Variants in SUSD2 observed in about 807,000 individuals in gnomAD.
SUSD2 encodes sushi domain containing 2.
SUSD2 carries 86 observed loss-of-function variants against 93.8 expected under a neutral mutation model. The ratio of observed to expected loss-of-function variants is 0.92; its 90% CI spans 0.77 to 1.10. The LOEUF (loss-of-function observed/expected upper bound fraction) is 1.10, where lower values mean the gene tolerates loss of function less well. Ranked by LOEUF, SUSD2 falls within the 50% of genes least tolerant of loss-of-function variation. SUSD2 has a pLI of 0.00. For missense variants in SUSD2, 1,060 were observed against 1,137.0 expected (o/e 0.93, Z 0.97); for synonymous variants, 483 against 485.0 (o/e 1.00, Z 0.05).
chr22:24,186,989 GGCT>G, intron 10 of SUSD2: 1 of 617,782 alleles, frequency 1.6e-6, no homozygotes, highest in Non-Finnish European at 2.8e-6. Flanking sequence ...TCACTGCAGG[GGCT>G]GCACCTCAGG....
In SUSD2 at chr22:24,187,777, A is replaced by T. The variant is rs1308948662; in HGVS notation, c.2098A>T (p.Ser700Cys). ...NFDVAATGSLSTGTATRVAHQ... is the reference protein window; with the variant it reads ...NFDVAATGSLCTGTATRVAHQ... ...TGATGTGGCAGCCACTGGGAGCCTG[A>T]GCACGGGCACTGCCACTCGGGTGGC... The change falls in exon 12 of 15, where the codon AGC (serine) becomes TGC (cysteine). Residue 700 changes from serine (S) to cysteine (C), a missense_variant. Ser to Cys is a moderately radical substitution (Grantham distance 112, BLOSUM62 -1). Transcript: ENST00000358321. 6.2e-7 allele frequency: 1 copy of T among 1,613,548 alleles called. No homozygotes were observed. The highest frequency in any genetic ancestry group is 8.5e-7 in the Non-Finnish European group (1 of 1,179,958).
At chr22:24,183,382 G>A (rs1433273943) in intron 2 of SUSD2, 113 bp from the exon 3 acceptor site, 14 of 1,529,050 alleles carry the variant, frequency 9.2e-6, no homozygotes, top group Non-Finnish European at 2.7e-6. Context: ...GGACAGGCAG[G>A]AGGGCACAGG....
chr22:24,186,113 C>T lies in SUSD2; in HGVS notation c.1437C>T (p.Thr479=), dbSNP rs199624465. The T allele has an allele frequency of 9.3e-6, 15 of 1,612,258 alleles. No homozygotes were observed. Among genetic ancestry groups the T allele is most frequent in the East Asian group, 8.9e-5 (4 of 44,860 alleles). Residue 479 remains threonine (T), a synonymous_variant, in exon 9 of 15, where the codon ACC becomes ACT. Coordinates refer to ENST00000358321, the MANE Select transcript of SUSD2 (RefSeq NM_019601.4). ...ACGTGCTGCTGGAGGCAGCGCTGAC[C>T]GACCTGAGGGTGCAGGCGCGGGCCC... is the stretch of plus-strand genomic sequence containing the variant. ...GEYVLLEAAL[T]DLRVQARAQP... is the part of the protein sequence containing the mutation.
At position 24,184,816 on chromosome 22, in the gene SUSD2, CT is replaced by C. The variant is rs749344270; in HGVS notation, c.659del (p.Leu220ArgfsTer58). ...WTAKWSYLYP[L>X]ATHIPNSGSF... ...TGCAAAGTGGTCGTACCTGTACCCC[CT>C]GGCCACACACATCCCCAACTCCGGC... On this transcript the variant is annotated frameshift_variant, in exon 5 of 15. Coordinates refer to ENST00000358321, the MANE Select transcript of SUSD2 (RefSeq NM_019601.4). LOFTEE classifies it high-confidence loss of function. 114 of 1,613,346 alleles carry C rather than the reference CT, an allele frequency of 7.1e-5. 1 individual carries two copies. In the Admixed American group the frequency reaches 1.7e-3, roughly 24 times the overall value.
At position 24,187,652 on chromosome 22, in the gene SUSD2, AC is replaced by A; in HGVS notation, c.1977del (p.Thr660ProfsTer40). The A allele has an allele frequency of 1.2e-6, 2 of 1,613,744 alleles. No individual in the cohort carries two copies. The highest frequency in any genetic ancestry group is 8.5e-7 in the Non-Finnish European group (1 of 1,179,940). The stretch of plus-strand genomic sequence containing the variant: ...AACTTCCTGTACCAACCCAAGCACG[AC>A]CCCACCTTCGAGCCCCTCTTCCCCA... ...VHNFLYQPKH[D>X]PTFEPLFPSE... On this transcript the variant is annotated frameshift_variant, in exon 12 of 15. Transcript: ENST00000358321. LOFTEE classifies it high-confidence loss of function.
In SUSD2 at chr22:24,188,086, C is replaced by T; in HGVS notation, c.2292C>T (p.Thr764=). ...GCCTGGCCGGGGCAGAGACCAGCAC[C>T]TGCCAGGCTGACGGCACCTGGTCCT... The part of the protein sequence containing the change: ...GYSLAGAETS[T]CQADGTWSSP... The change falls in exon 13 of 15, where the codon ACC becomes ACT. Residue 764 remains threonine (T), a synonymous_variant. Transcript: ENST00000358321. The surrounding 1 kb of genome is among the most constrained non-coding windows in gnomAD (Gnocchi z 4.7). The T allele has an allele frequency of 6.2e-7, 1 of 1,612,956 alleles. No individual in the cohort carries two copies. Among genetic ancestry groups the T allele is most frequent in the Non-Finnish European group, 8.5e-7 (1 of 1,179,918 alleles).
chr22:24,184,803 G>C lies in SUSD2; in HGVS notation c.645G>C (p.Ser215=). The change falls in exon 5 of 15, where the codon TCG becomes TCC. Residue 215 remains serine, a synonymous_variant. Coordinates refer to ENST00000358321, the MANE Select transcript of SUSD2 (RefSeq NM_019601.4). The part of the protein sequence containing the change: ...PYSQEWTAKW[S]YLYPLATHIP... ...CACAGGAGTGGACTGCAAAGTGGTC[G>C]TACCTGTACCCCCTGGCCACACACA... 1 of 1,610,784 alleles carries C rather than the reference G, an allele frequency of 6.2e-7. No individual in the cohort carries two copies. The highest frequency in any genetic ancestry group is 8.5e-7 in the Non-Finnish European group (1 of 1,178,528).
rs1412448058 is a variant in SUSD2, at chr22:24,188,245, T to C, written c.2362T>C (p.Leu788=). ...ACCAGGACGCAGCTACGCGGTGCTG[T>C]TGGGCATCATCTTTGGGGGCCTCGC... ...CQPGRSYAVL[L]GIIFGGLAVV... is the part of the protein sequence containing the mutation. Residue 788 remains leucine, a synonymous_variant, in exon 14 of 15, where the codon TTG becomes CTG. Coordinates refer to ENST00000358321, the MANE Select transcript of SUSD2 (RefSeq NM_019601.4). The surrounding 1 kb of genome is among the most constrained non-coding windows in gnomAD (Gnocchi z 4.7). 1 of 1,602,988 alleles carries C rather than the reference T, an allele frequency of 6.2e-7. No homozygotes were observed. Among genetic ancestry groups the C allele is most frequent in the Non-Finnish European group, 8.5e-7 (1 of 1,173,456 alleles).
chr22:24,185,690 G>A lies in SUSD2; in HGVS notation c.1100G>A (p.Cys367Tyr). The change falls in exon 8 of 15, where the codon TGC becomes TAC. Residue 367 changes from cysteine (C) to tyrosine (Y), a missense_variant. By Grantham distance (194) the Cys-to-Tyr change is radical (BLOSUM62 -2). Transcript: ENST00000358321. ...SLRYGSGQQC[C>Y]YTADGTQLLT... ...CGGTACGGCTCAGGTCAGCAGTGCTGCTACACAGCGGACGGGACGCAGCTC... is the reference window on the plus strand; with the variant it reads ...CGGTACGGCTCAGGTCAGCAGTGCTACTACACAGCGGACGGGACGCAGCTC... 1 of 1,610,894 alleles carries A rather than the reference G, an allele frequency of 6.2e-7. No homozygotes were observed. The highest frequency in any genetic ancestry group is 1.1e-5 in the South Asian group (1 of 90,818).
intron 2 of SUSD2, 39 bp from the exon 3 acceptor site, chr22:24,183,456 G>A: frequency 6.3e-7 from 1 of 1,592,560 alleles, no homozygotes; most frequent in Non-Finnish European, 8.5e-7. Context: ...GGCTCAGCCT[G>A]CAATGACCCA....
chr22:24,183,145 C>T lies in SUSD2; in HGVS notation c.165C>T (p.Cys55=), dbSNP rs763595974. ...CGTGCTCTGGCCTTGGCACCTGCTG[C>T]TTGGATTTCCGGGACTTCTGCCTGG... ...HPTCSGLGTC[C]LDFRDFCLEI... The change falls in exon 2 of 15, where the codon TGC becomes TGT. Residue 55 remains cysteine, a synonymous_variant. Transcript: ENST00000358321. 1.2e-6 allele frequency: 2 copies of T among 1,614,060 alleles called. No individual in the cohort carries two copies. Among genetic ancestry groups the T allele is most frequent in the South Asian group, 2.2e-5 (2 of 91,084 alleles).
Position 24,188,092 on chromosome 22 carries a change from G to C in SUSD2, c.2298G>C (p.Gln766His). Residue 766 changes from glutamine (Q) to histidine (H), a missense_variant, in exon 13 of 15, where the codon CAG (glutamine) becomes CAC (histidine). Transcript: ENST00000358321. The surrounding 1 kb of genome is among the most constrained non-coding windows in gnomAD (Gnocchi z 4.7). ...CCGGGGCAGAGACCAGCACCTGCCA[G>C]GCTGACGGCACCTGGTCCTCACCCA... ...SLAGAETSTC[Q>H]ADGTWSSPTP... 3 of 1,613,012 alleles carry C rather than the reference G, an allele frequency of 1.9e-6. No individual in the cohort carries two copies. Among genetic ancestry groups the C allele is most frequent in the East Asian group, 2.2e-5 (1 of 44,874 alleles).
At chr22:24,182,299 T>A (rs1035144712) in intron 1 of SUSD2, among the ~76,000 whole-genome samples, 1 of 152,148 alleles carries the variant, frequency 6.6e-6, no homozygotes, top group Non-Finnish European at 1.5e-5. Context: ...CCTGGAAATA[T>A]GGCCTTGCCC....
At chr22:24,187,523 G>A (rs753452764) in intron 11 of SUSD2, 48 bp from the exon 12 acceptor site, 2 of 1,602,890 alleles carry the variant, frequency 1.2e-6, no homozygotes, top group Admixed American at 1.7e-5. Context: ...AGGGCTTGGG[G>A]ACCAAAGGGA....
chr22:24,184,733 A>T, intron 4 of SUSD2, 33 bp from the exon 5 acceptor site: 1 of 1,530,048 alleles, frequency 6.5e-7, no homozygotes, highest in Non-Finnish European at 8.8e-7. Flanking sequence ...CCTCGAAGGA[A>T]CCCCAGGGCT....
Position 24,186,033 on chromosome 22 carries a change from C to T in SUSD2, c.1357C>T (p.Pro453Ser). 6.2e-7 allele frequency: 1 copy of T among 1,610,932 alleles called. No individual in the cohort carries two copies. The highest frequency in any genetic ancestry group is 1.3e-5 in the African/African-American group (1 of 75,028). Reference protein sequence around the residue: ...PPRLASAFGDPHFVTFDGTNF... With the variant: ...PPRLASAFGDSHFVTFDGTNF... ...CACCCTAGCCTCCGCCTTCGGAGAC[C>T]CACACTTTGTGACCTTCGACGGCAC... The change falls in exon 9 of 15, where the codon CCA becomes TCA. Residue 453 changes from proline to serine, a missense_variant. Physicochemically the swap from Pro to Ser is moderately conservative, Grantham distance 74. Coordinates refer to ENST00000358321, the MANE Select transcript of SUSD2 (RefSeq NM_019601.4).
intron 10 of SUSD2, chr22:24,186,843 C>A: frequency 2.4e-6 from 1 of 419,284 alleles, no homozygotes. Flanking sequence ...GAAAGGATTC[C>A]TGGTTGGGAT....
Position 24,187,641 on chromosome 22 carries a change from AC to A in SUSD2, c.1965del (p.Lys656SerfsTer44). The A allele has an allele frequency of 6.2e-7, 1 of 1,613,982 alleles. No individual in the cohort carries two copies. The highest frequency in any genetic ancestry group is 1.3e-5 in the African/African-American group (1 of 75,000). ...TCCTGGTCCACAACTTCCTGTACCA[AC>A]CCAAGCACGACCCCACCTTCGAGCC... ...WFLVHNFLYQPKHDPTFEPLF... is the reference protein window; with the variant it reads ...WFLVHNFLYQXKHDPTFEPLF... On this transcript the variant is annotated frameshift_variant, in exon 12 of 15. Transcript: ENST00000358321. LOFTEE classifies it high-confidence loss of function.
chr22:24,187,703 T>C lies in SUSD2; in HGVS notation c.2024T>C (p.Leu675Pro). The change falls in exon 12 of 15, where the codon CTG becomes CCG. Residue 675 changes from leucine (L) to proline (P), a missense_variant. This residue lies in a region of SUSD2 where 973 missense variants were observed against 1,005.3 expected (regional missense o/e 0.97). Transcript: ENST00000358321. ...AGTGAGACCACCCTCAACCCCAGCC[T>C]GGCACAAGAGGCAGCCAAACTATGT... The part of the protein sequence containing the change: ...FPSETTLNPS[L>P]AQEAAKLCGD... 1 of 1,614,012 alleles carries C rather than the reference T, an allele frequency of 6.2e-7. No homozygotes were observed. Among genetic ancestry groups the C allele is most frequent in the Non-Finnish European group, 8.5e-7 (1 of 1,179,998 alleles).
Sources: allele counts gnomAD v4.1 joint callset (sites outside exome capture counted in the v4.1 genomes callset), GRCh38; gene constraint gnomAD v4.1.1; regional missense constraint gnomAD v4.1.1; non-coding constraint Gnocchi (gnomAD v3.1); transcripts MANE v1.5; gene names NCBI Gene and HGNC (gene_info 2026-07-23, HGNC 2026-07-21).